FBXO11: variants seen among roughly 807,000 people sequenced by gnomAD.
FBXO11 encodes F-box protein 11.
A neutral mutation model predicts 117.0 loss-of-function variants in FBXO11; 13 were observed. That is an observed-to-expected ratio of 0.11 (90% CI 0.07 to 0.18). The LOEUF (loss-of-function observed/expected upper bound fraction) is 0.18. Among genes scored for constraint, FBXO11 ranks in the 10% least tolerant of loss-of-function variants. The pLI is 1.00. For missense variants in FBXO11, 767 were observed against 1,164.4 expected (o/e 0.66, Z 4.97); for synonymous variants, 490 against 380.5 (o/e 1.29, Z -3.35).
intron 1 of FBXO11, among the ~76,000 whole-genome samples, chr2:47,892,151 G>A (rs1396311612): frequency 6.6e-6 from 1 of 151,916 alleles, no homozygotes; most frequent in East Asian, 1.9e-4. Context: ...TACTTTTGTT[G>A]CCTGTCCTTT....
intron 5 of FBXO11, among the ~76,000 whole-genome samples, chr2:47,835,297 CAATT>C (rs768306723): frequency 1.4e-3 from 206 of 152,284 alleles, no homozygotes; most frequent in Non-Finnish European, 2.3e-3. Flanking sequence ...GGCCGTATAA[CAATT>C]AAGCTAAATG....
At chr2:47,874,520 C>CCGTACAAAATTTA in intron 1 of FBXO11, among the ~76,000 whole-genome samples, 1 of 151,946 alleles carries the variant, frequency 6.6e-6, no homozygotes, top group Non-Finnish European at 1.5e-5. Flanking sequence ...AACACACAAA[C>CCGTACAAAATTTA]ACCGTACAAA....
At chr2:47,887,159 C>T (rs765244010) in intron 1 of FBXO11, among the ~76,000 whole-genome samples, 41 of 152,078 alleles carry the variant, frequency 2.7e-4, no homozygotes, top group African/African-American at 9.9e-4. Flanking sequence ...GTGGCGCATA[C>T]CTGTAATCCC....
chr2:47,905,684 G>C lies in FBXO11; in HGVS notation c.37C>G (p.Arg13Gly). The change falls in exon 1 of 23, where the codon CGA becomes GGA. Residue 13 changes from arginine to glycine, a missense_variant. By Grantham distance (125) the Arg-to-Gly change is moderately radical. Transcript: ENST00000403359. ...TGCACCGGGCGCGGCCGCGACACTCGCCTGGGTCTCCGGTTGGCGGCTCGG... is the reference window on the plus strand; with the variant it reads ...TGCACCGGGCGCGGCCGCGACACTCCCCTGGGTCTCCGGTTGGCGGCTCGG... Reference protein sequence around the residue: ...SVRAANRRPRRVSRPRPVQQQ... With the variant: ...SVRAANRRPRGVSRPRPVQQQ... 2 of 1,519,046 alleles carry C rather than the reference G, an allele frequency of 1.3e-6. No individual in the cohort carries two copies. Among genetic ancestry groups the C allele is most frequent in the Non-Finnish European group, 8.8e-7 (1 of 1,135,718 alleles). 94.1% of individuals were successfully genotyped at this position (1,519,046 alleles called of 1,614,324 possible).
chr2:47,846,225 T>A (rs901199200), intron 1 of FBXO11, among the ~76,000 whole-genome samples: 1 of 152,112 alleles, frequency 6.6e-6, no homozygotes, highest in Non-Finnish European at 1.5e-5. Context: ...CCCAGCACTT[T>A]AGGAGGCCCA....
chr2:47,900,231 A>G (rs550718513), intron 1 of FBXO11, among the ~76,000 whole-genome samples: 1 of 152,242 alleles, frequency 6.6e-6, no homozygotes, highest in East Asian at 1.9e-4. Flanking sequence ...CTCTTTTTAC[A>G]GCTCCCATAC....
At chr2:47,900,599 C>CATATAT (rs1558486193) in intron 1 of FBXO11, among the ~76,000 whole-genome samples, 54 of 118,184 alleles carry the variant, frequency 4.6e-4, no homozygotes, top group Non-Finnish European at 7.0e-4. Flanking sequence ...CGTATATACA[C>CATATAT]ACGTATACAC....
chr2:47,901,528 C>T (rs1280460238), intron 1 of FBXO11, among the ~76,000 whole-genome samples: 2 of 152,014 alleles, frequency 1.3e-5, no homozygotes, highest in African/African-American at 2.4e-5. Flanking sequence ...TAGCTGGAGG[C>T]TGATGTACGA....
At chr2:47,843,093 A>G (rs1243776523) in intron 1 of FBXO11, among the ~76,000 whole-genome samples, 2 of 152,200 alleles carry the variant, frequency 1.3e-5, no homozygotes, top group African/African-American at 2.4e-5. Context: ...CCCAGCTTGT[A>G]AATTTTCCAT....
At chr2:47,822,559 T>G (rs1363051006) in intron 12 of FBXO11, among the ~76,000 whole-genome samples, 3 of 152,190 alleles carry the variant, frequency 2.0e-5, no homozygotes, top group African/African-American at 4.8e-5. Flanking sequence ...CTAGAAACAT[T>G]TGATGACTAT....
intron 1 of FBXO11, among the ~76,000 whole-genome samples, chr2:47,870,981 C>T (rs867575044): frequency 4.6e-5 from 7 of 152,200 alleles, no homozygotes; most frequent in Admixed American, 1.3e-4. Context: ...GCAAAGTCTA[C>T]GCTCACTAAC....
intron 4 of FBXO11, among the ~76,000 whole-genome samples, chr2:47,837,287 G>A (rs1672657063): frequency 6.6e-6 from 1 of 152,198 alleles, no homozygotes; most frequent in African/African-American, 2.4e-5. Flanking sequence ...AGCACTTTGG[G>A]AGGCCCAGGC....
chr2:47,905,763 C>G lies in FBXO11; in HGVS notation c.-43G>C, dbSNP rs1412657380. 2.7e-6 allele frequency: 4 copies of G among 1,503,610 alleles called. No homozygotes were observed. Among genetic ancestry groups the G allele is most frequent in the Non-Finnish European group, 8.9e-7 (1 of 1,129,180 alleles). The allele number at this position is 1,503,610 out of a possible 1,614,324, so 93.1% of individuals were successfully genotyped here. On this transcript the variant is annotated 5_prime_UTR_variant, in exon 1 of 23. Transcript: ENST00000403359. ...CGGCGTTGGCGGAGGGACACACACACGCACACGCACAGCGAGCTTCGGGGC... is the reference window on the plus strand; with the variant it reads ...CGGCGTTGGCGGAGGGACACACACAGGCACACGCACAGCGAGCTTCGGGGC...
intron 1 of FBXO11, among the ~76,000 whole-genome samples, chr2:47,882,423 G>C (rs1676499285): frequency 1.3e-5 from 2 of 151,546 alleles, no homozygotes; most frequent in Admixed American, 6.6e-5. Flanking sequence ...CAATACGTAA[G>C]TTTCATCTCA....
intron 1 of FBXO11, among the ~76,000 whole-genome samples, chr2:47,885,314 C>G (rs2103936985): frequency 6.6e-6 from 1 of 152,306 alleles, no homozygotes; most frequent in South Asian, 2.1e-4. Context: ...AATGTGTAAG[C>G]CAGGTGCGGT....
chr2:47,826,035 T>TA (rs1189164219), intron 11 of FBXO11, among the ~76,000 whole-genome samples: 1 of 152,106 alleles, frequency 6.6e-6, no homozygotes, highest in Non-Finnish European at 1.5e-5. Flanking sequence ...TTTACAGAGT[T>TA]AAGAGACTCA....
At chr2:47,864,328 C>T (rs1378406108) in intron 1 of FBXO11, among the ~76,000 whole-genome samples, 1 of 152,350 alleles carries the variant, frequency 6.6e-6, no homozygotes, top group East Asian at 1.9e-4. Context: ...TGGCTCACGC[C>T]TGTAATCCCA....
At chr2:47,872,544 A>G (rs1675700979) in intron 1 of FBXO11, among the ~76,000 whole-genome samples, 1 of 152,132 alleles carries the variant, frequency 6.6e-6, no homozygotes, top group Non-Finnish European at 1.5e-5. Flanking sequence ...GAGTGGTCTA[A>G]AACTCCTGAC....
chr2:47,881,318 A>G (rs887274848), intron 1 of FBXO11, among the ~76,000 whole-genome samples: 9 of 152,296 alleles, frequency 5.9e-5, no homozygotes, highest in African/African-American at 1.9e-4. Context: ...ATGTGGTTAT[A>G]TAAGAATTTT....
Sources: gnomAD v4.1 joint callset for allele counts (sites outside exome capture counted in the v4.1 genomes callset) on GRCh38, gnomAD v4.1.1 for gene constraint, MANE v1.5 for transcripts, NCBI Gene and HGNC (gene_info 2026-07-23, HGNC 2026-07-21) for gene names.